SVIL: variants seen among roughly 807,000 people sequenced by gnomAD.
SVIL encodes archvillin.
Under a neutral mutation model 240.4 loss-of-function variants are expected in SVIL, and 101 were observed. The ratio of observed to expected loss-of-function variants is 0.42; its 90% CI spans 0.36 to 0.50. SVIL has a LOEUF of 0.50. SVIL is among the 20% of genes least tolerant of loss of function. The probability of loss-of-function intolerance (pLI) is 0.01; values close to 1 mark genes in which losing one functional copy is unlikely to be tolerated. For synonymous variants in SVIL, 999 were observed against 1,100.0 expected, an observed-to-expected ratio of 0.91 and a Z score of 1.82; for missense variants, 2,512 against 2,818.7, an observed-to-expected ratio of 0.89 and a Z score of 2.46.
At chr10:29,692,116 C>T (rs550533966) in intron 1 of SVIL, among the ~76,000 whole-genome samples, 8 of 152,298 alleles carry the variant, frequency 5.3e-5, no homozygotes, top group Non-Finnish European at 8.8e-5. Context: ...CAGAAACCTT[C>T]GTCAAATCAT....
At chr10:29,573,790 G>T (rs1384905581) in intron 1 of SVIL, among the ~76,000 whole-genome samples, 2 of 151,994 alleles carry the variant, frequency 1.3e-5, no homozygotes, top group Non-Finnish European at 2.9e-5. Context: ...CCACCTCCCG[G>T]GTTCAAGCGA....
intron 1 of SVIL, among the ~76,000 whole-genome samples, chr10:29,715,158 T>C (rs1963542627): frequency 6.6e-6 from 1 of 152,110 alleles, no homozygotes; most frequent in Non-Finnish European, 1.5e-5. Flanking sequence ...AGGAGTTTAA[T>C]CAGGGTCCAG....
At chr10:29,648,288 CTCAGGCTTTTGGGGCCGAGG>C (rs1958731048) in intron 3 of SVIL, among the ~76,000 whole-genome samples, 1 of 152,234 alleles carries the variant, frequency 6.6e-6, no homozygotes, top group South Asian at 2.1e-4. Context: ...CAAAGCCAAG[CTCAGGCTTTTGGGGCCGAGG>C]TTTGTGACAC....
chr10:29,459,863 G>GATT (rs1489165135), intron 36 of SVIL, among the ~76,000 whole-genome samples: 1 of 152,096 alleles, frequency 6.6e-6, no homozygotes, highest in African/African-American at 2.4e-5. Flanking sequence ...GGCTGAGGTG[G>GATT]GAAGAGTCCT....
chr10:29,624,103 G>A (rs2132926059), intron 1 of SVIL, among the ~76,000 whole-genome samples: 1 of 148,108 alleles, frequency 6.8e-6, no homozygotes, highest in East Asian at 2.0e-4. Context: ...CTTTTTGGGA[G>A]TCACAGCCCC....
At chr10:29,528,390 A>G (rs1279760452) in intron 12 of SVIL, among the ~76,000 whole-genome samples, 2 of 151,944 alleles carry the variant, frequency 1.3e-5, no homozygotes, top group Non-Finnish European at 2.9e-5. Flanking sequence ...TTTTTTTTCC[A>G]GGAAGGGTGT....
At chr10:29,621,018 G>A (rs1957617897) in intron 1 of SVIL, among the ~76,000 whole-genome samples, 1 of 142,840 alleles carries the variant, frequency 7.0e-6, no homozygotes, top group African/African-American at 2.6e-5. Context: ...TTCCCAGGCT[G>A]GTCTCGAACT....
chr10:29,485,989 C>G, intron 26 of SVIL, 96 bp downstream of exon 26: 1 of 1,439,474 alleles, frequency 6.9e-7, no homozygotes, highest in Non-Finnish European at 9.5e-7. Context: ...CACTGGCTAA[C>G]CTTTATTGGG....
Position 29,656,310 on chromosome 10 carries a change from C to T in SVIL, c.-201+1659G>A, listed in dbSNP as rs575024839. Among the ~76,000 whole-genome samples, 133 of 151,912 alleles carry T rather than the reference C, an allele frequency of 8.8e-4. 1 individual carries two copies. Among genetic ancestry groups the T allele is most frequent in the African/African-American group, 3.1e-3 (128 of 41,448 alleles). On this transcript the variant is annotated intron_variant, in intron 3 of 35. Coordinates refer to the SVIL transcript ENST00000375400. ...ATGCCACCCGCATAACTTGCTATTT[C>T]TCATTCTTACAAGTCTCTACTTCAG...
rs746575099 is a variant in SVIL, at chr10:29,473,844, C to G, written c.5523G>C (p.Gly1841=). The G allele has an allele frequency of 6.2e-7, 1 of 1,613,894 alleles. No homozygotes were observed. The highest frequency in any genetic ancestry group is 2.2e-5 in the East Asian group (1 of 44,858). The change falls in exon 30 of 38, where the codon GGG becomes GGC. Residue 1841 remains glycine (G), a synonymous_variant. Transcript: ENST00000355867. ...LMTVELDEER[G]AQVQVLQGKE... ...AGAGCTCCCCAGGACTCACCTGGGC[C>G]CCCCTTTCCTCGTCCAGCTCCACCG... is the stretch of plus-strand genomic sequence containing the variant.
chr10:29,716,169 A>G (rs774476722), intron 1 of SVIL, among the ~76,000 whole-genome samples: 1 of 151,804 alleles, frequency 6.6e-6, no homozygotes, highest in Non-Finnish European at 1.5e-5. Flanking sequence ...ACACTGATGT[A>G]ACACTGTAAT....
rs374713775 is a variant in SVIL at position 29,495,333 on chromosome 10, C to G, written c.3665-152G>C. 48 of 577,768 alleles carry G rather than the reference C, an allele frequency of 8.3e-5. No homozygotes were observed. The African/African-American group carries it at 9.5e-4, about 11-fold the overall frequency. 35.8% of individuals were successfully genotyped at this position (577,768 alleles called of 1,614,324 possible). On this transcript the variant is annotated intron_variant, in intron 18 of 37. Transcript: ENST00000355867. ...CACACACACACACATTTCACACGTA[C>G]CACGACTGTGGGACAACCAACTGCA... is the stretch of plus-strand genomic sequence containing the variant.
rs559794576 is a variant in SVIL at position 29,457,632 on chromosome 10, A to C, written c.*615T>G. The C allele has an allele frequency of 6.5e-6, 1 of 152,774 alleles. No homozygotes were observed. Among genetic ancestry groups the C allele is most frequent in the South Asian group, 2.1e-4 (1 of 4,830 alleles). 9.5% of individuals were successfully genotyped at this position (152,774 alleles called of 1,614,324 possible). On this transcript the variant is annotated 3_prime_UTR_variant, in exon 38 of 38. Coordinates refer to ENST00000355867, the MANE Select transcript of SVIL (RefSeq NM_021738.3). Reference sequence around the variant, plus strand: ...TCCAGAGTCCATGCCATTAAGTACAAATTCTTTGTTCATTTTAGCACCGGA... The same window carrying C: ...TCCAGAGTCCATGCCATTAAGTACACATTCTTTGTTCATTTTAGCACCGGA...
chr10:29,512,701 G>C, intron 17 of SVIL, 34 bp downstream of exon 17: 1 of 1,613,988 alleles, frequency 6.2e-7, no homozygotes, highest in Non-Finnish European at 8.5e-7. Flanking sequence ...AGTGATGTTA[G>C]TCGGAAGGCT....
chr10:29,725,198 T>C (rs975127402), intron 1 of SVIL, among the ~76,000 whole-genome samples: 6 of 152,000 alleles, frequency 3.9e-5, no homozygotes, highest in Non-Finnish European at 8.8e-5. Context: ...AGGCAGAGCA[T>C]GCTTATCAAA....
At chr10:29,519,414 AAG>A (rs1950425532) in intron 16 of SVIL, among the ~76,000 whole-genome samples, 1 of 152,190 alleles carries the variant, frequency 6.6e-6, no homozygotes, top group African/African-American at 2.4e-5. Flanking sequence ...GGTTAGAATA[AAG>A]TTTGGAAGTC....
At chr10:29,599,517 G>A (rs559555566) in intron 1 of SVIL, among the ~76,000 whole-genome samples, 189 of 152,204 alleles carry the variant, frequency 1.2e-3, no homozygotes, top group African/African-American at 4.5e-3. Context: ...CCGGGTTCAA[G>A]TGGTTCTTGT....
chr10:29,499,334 T>C (rs760679928), intron 17 of SVIL, 71 bp from the exon 18 acceptor site: 6 of 1,588,892 alleles, frequency 3.8e-6, no homozygotes, highest in Non-Finnish European at 5.2e-6. Context: ...GCCTGCAGCA[T>C]TTCATGAGTG....
intron 14 of SVIL, 134 bp from the exon 15 acceptor site, chr10:29,524,161 C>T (rs1950740770): frequency 5.0e-6 from 5 of 1,009,952 alleles, no homozygotes; most frequent in Non-Finnish European, 7.1e-6. Flanking sequence ...GAAAACCATT[C>T]CTGGACATAG....
Sources: allele counts gnomAD v4.1 joint callset (sites outside exome capture counted in the v4.1 genomes callset), GRCh38; gene constraint gnomAD v4.1.1; transcripts MANE v1.5; gene names NCBI Gene and HGNC (gene_info 2026-07-23, HGNC 2026-07-21).